SPTAN1: variants seen among roughly 807,000 people sequenced by gnomAD.
The protein encoded by SPTAN1 is spectrin alpha, non-erythrocytic 1, also known as spectrin alpha chain, non-erythrocytic 1.
Under a neutral mutation model 331.3 loss-of-function variants are expected in SPTAN1, and 61 were observed. The observed-to-expected ratio is 0.18, with a 90% CI of 0.15 to 0.23. SPTAN1 has a LOEUF of 0.23. SPTAN1 is among the 10% of genes least tolerant of loss of function. The pLI, the probability that SPTAN1 is intolerant of heterozygous loss-of-function variation, is 1.00. For synonymous variants in SPTAN1, 1,153 were observed against 1,173.9 expected (o/e 0.98, Z 0.36); for missense variants, 2,043 against 3,147.9 (o/e 0.65, Z 8.40).
chr9:128,562,928 G>A (rs1428148361), intron 1 of SPTAN1, among the ~76,000 whole-genome samples: 1 of 148,308 alleles, frequency 6.7e-6, no homozygotes, highest in Non-Finnish European at 1.5e-5. Context: ...TCACGCCACT[G>A]CACTCCAGCC....
In SPTAN1 at chr9:128,621,274, G is replaced by T; in HGVS notation, c.5832+18G>T. ...TTAAGAAGGTGAGTCCAGCCCATTG[G>T]TAAGACCTCCATCGCCCACTGGGAC... On this transcript the variant is annotated intron_variant, in intron 45 of 56. Transcript: ENST00000372739. 6.2e-7 allele frequency: 1 copy of T among 1,608,014 alleles called. No individual in the cohort carries two copies. Among genetic ancestry groups the T allele is most frequent in the Non-Finnish European group, 8.5e-7 (1 of 1,176,350 alleles).
chr9:128,630,367 G>A lies in SPTAN1; in HGVS notation c.6754G>A (p.Ala2252Thr). ...ESGTLESQLE[A>T]TKRKHQEIRA... ...GGGGACCCTCGAATCCCAGCTTGAA[G>A]CTACCAAAGTAAGTGCCCGTGGGGC... is the stretch of plus-strand genomic sequence containing the variant. Residue 2252 changes from alanine (A) to threonine (T), a missense_variant, in exon 52 of 57, where the codon GCT becomes ACT. Around this residue, in one of 12 missense-constraint regions of SPTAN1, gnomAD observed 256 missense variants for 376.4 expected, o/e 0.68. Transcript: ENST00000372739. 6.2e-7 allele frequency: 1 copy of A among 1,612,328 alleles called. No homozygotes were observed. The highest frequency in any genetic ancestry group is 8.5e-7 in the Non-Finnish European group (1 of 1,179,996).
intron 15 of SPTAN1, 86 bp downstream of exon 15, chr9:128,583,367 C>A: frequency 7.4e-7 from 1 of 1,356,386 alleles, no homozygotes; most frequent in Non-Finnish European, 1.0e-6. Flanking sequence ...ACATATACCC[C>A]CCAAGAAAGG....
intron 1 of SPTAN1, chr9:128,553,047 C>G (rs1007723533): frequency 1.3e-5 from 2 of 152,392 alleles, no homozygotes; most frequent in African/African-American, 4.8e-5. Context: ...TGGGGGCTCC[C>G]TCGTCGGGAT....
intron 41 of SPTAN1, 32 bp downstream of exon 41, chr9:128,615,872 T>TA (rs1220260198): frequency 6.2e-7 from 1 of 1,610,492 alleles, no homozygotes; most frequent in Non-Finnish European, 8.5e-7. Flanking sequence ...GAAGGCCCCT[T>TA]ACGCCTGTAA....
In SPTAN1 at chr9:128,594,376, A is replaced by G. The variant is rs1554752325; in HGVS notation, c.3414+3A>G. Reference sequence around the variant, plus strand: ...AGAAGTTTGATGACTTCCAGAAGGTATGGGCAGTCTTCAGGCTCAGCTGAA... The same window carrying G: ...AGAAGTTTGATGACTTCCAGAAGGTGTGGGCAGTCTTCAGGCTCAGCTGAA... On this transcript the variant is annotated splice_donor_region_variant and intron_variant, in intron 24 of 56. Coordinates refer to ENST00000372739, the MANE Select transcript of SPTAN1 (RefSeq NM_001130438.3). The G allele has an allele frequency of 6.3e-7, 1 of 1,587,448 alleles. No homozygotes were observed. Among genetic ancestry groups the G allele is most frequent in the Non-Finnish European group, 8.6e-7 (1 of 1,163,342 alleles).
rs757474026 is a variant in SPTAN1 at position 128,626,356 on chromosome 9, G to A, written c.6280-35G>A. The A allele has an allele frequency of 1.3e-5, 21 of 1,610,766 alleles. No individual in the cohort carries two copies. The African/African-American group carries it at 2.7e-4, about 20-fold the overall frequency. ...GCACTGCGTCGGCACGTCCAGCCCT[G>A]GCGACTCCGCCAACTCAGTCTCTTC... On this transcript the variant is annotated intron_variant, in intron 48 of 56. Coordinates refer to ENST00000372739, the MANE Select transcript of SPTAN1 (RefSeq NM_001130438.3).
rs368348802 is a variant in SPTAN1 at position 128,581,927 on chromosome 9, C to A, written c.1572+35C>A. On this transcript the variant is annotated intron_variant, in intron 12 of 56. Transcript: ENST00000372739. ...CTTCTTGTCAGTGCTTTCAAATGAC[C>A]CTTATAGTAAGCCAGAGTCTTTTTC... 1.3e-4 allele frequency: 194 copies of A among 1,449,298 alleles called. No individual in the cohort carries two copies. The African/African-American group carries it at 2.5e-3, about 19-fold the overall frequency. The allele number at this position is 1,449,298 out of a possible 1,614,324, so 89.8% of individuals were successfully genotyped here. A position where few individuals can be genotyped will look rare whatever the true frequency, so the allele number is the denominator to read the frequency against.
In SPTAN1 at chr9:128,581,063, A is replaced by G. The variant is rs1851880743; in HGVS notation, c.1461+4A>G. 1 of 1,613,974 alleles carries G rather than the reference A, an allele frequency of 6.2e-7. No homozygotes were observed. On this transcript the variant is annotated splice_donor_region_variant and intron_variant, in intron 11 of 56. Transcript: ENST00000372739. ...CAACTGGATGAGCAAGCAGGAGGTA[A>G]TCTGTGAGCAAAGCCTTGCCAGTGG...
intron 48 of SPTAN1, 200 bp from the exon 49 acceptor site, chr9:128,626,191 C>A: frequency 1.1e-6 from 1 of 903,310 alleles, no homozygotes; most frequent in Non-Finnish European, 1.7e-6. Flanking sequence ...AGACTAGAGA[C>A]AAGGGCAAAG....
intron 52 of SPTAN1, 32 bp downstream of exon 52, chr9:128,630,407 G>T: frequency 6.2e-7 from 1 of 1,611,076 alleles, no homozygotes; most frequent in South Asian, 1.1e-5. Context: ...GCCCAGCAGA[G>T]ACCCTTCACC....
rs1227435878 is a variant in SPTAN1, at chr9:128,555,349, A to ACT, written c.-4+2655_-4+2656dup. On this transcript the variant is annotated intron_variant, in intron 1 of 56. Coordinates refer to ENST00000372739, the MANE Select transcript of SPTAN1 (RefSeq NM_001130438.3). ...CTTGCTCTTCCCCCTCCCTCTTTAG[A>ACT]CTCCACATTCCTCCATCATGTTGTC... The ACT allele has an allele frequency of 3.1e-6, 4 of 1,288,376 alleles. No homozygotes were observed. The Admixed American group carries it at 6.9e-5, about 22-fold the overall frequency. 79.8% of individuals were successfully genotyped at this position (1,288,376 alleles called of 1,614,324 possible). A position where few individuals can be genotyped will look rare whatever the true frequency, so the allele number is the denominator to read the frequency against.
In SPTAN1 at chr9:128,627,346, C is replaced by A. The variant is rs1278422145; in HGVS notation, c.6577-40C>A. On this transcript the variant is annotated intron_variant, in intron 49 of 56. Transcript: ENST00000372739. The surrounding 1 kb of genome is among the most constrained non-coding windows in gnomAD (Gnocchi z 4.9). ...TGTGAAGGAGGGGCTGGTGTCACTG[C>A]CACAGCAGCGCACAGCATCTGCCCC... 4 of 1,528,928 alleles carry A rather than the reference C, an allele frequency of 2.6e-6. No homozygotes were observed. Among genetic ancestry groups the A allele is most frequent in the Admixed American group, 2.0e-5 (1 of 50,940 alleles). 94.7% of individuals were successfully genotyped at this position (1,528,928 alleles called of 1,614,324 possible).
At position 128,618,854 on chromosome 9, in the gene SPTAN1, C is replaced by T. The variant is rs762938535; in HGVS notation, c.5601-17C>T. The T allele has an allele frequency of 2.5e-5, 40 of 1,614,064 alleles. No individual in the cohort carries two copies. The highest frequency in any genetic ancestry group is 2.9e-5 in the Non-Finnish European group (34 of 1,180,044). On this transcript the variant is annotated splice_polypyrimidine_tract_variant and intron_variant, in intron 43 of 56. Transcript: ENST00000372739. Reference sequence around the variant, plus strand: ...GAGGAGATTATGGCTGATTTTCTTCCTGTCTCCTGTAATTAGGGGTCAGCG... The same window carrying T: ...GAGGAGATTATGGCTGATTTTCTTCTTGTCTCCTGTAATTAGGGGTCAGCG...
intron 48 of SPTAN1, 112 bp from the exon 49 acceptor site, chr9:128,626,279 G>A (rs1858721222): frequency 7.5e-7 from 1 of 1,331,120 alleles, no homozygotes; most frequent in Non-Finnish European, 1.1e-6. Context: ...TAAGCTCCCA[G>A]CAGGCTGTGT....
rs911162522 is a variant in SPTAN1, at chr9:128,608,082, T to C, written c.4344+33T>C. 4 of 1,614,060 alleles carry C rather than the reference T, an allele frequency of 2.5e-6. No homozygotes were observed. In the African/African-American group the frequency reaches 5.3e-5, roughly 22 times the overall value. ...TGCTCCTGGTTTCTGACCAAGTGTT[T>C]CCTTGCTGAAGGGCCTCATTTTCTC... On this transcript the variant is annotated intron_variant, in intron 33 of 56. Transcript: ENST00000372739.
chr9:128,553,318 A>T (rs1848329110), intron 1 of SPTAN1: 1 of 152,222 alleles, frequency 6.6e-6, no homozygotes, highest in African/African-American at 2.4e-5. Context: ...CCTTGTAATA[A>T]ACATTTTTCT....
intron 3 of SPTAN1, among the ~76,000 whole-genome samples, chr9:128,570,496 C>T (rs545948970): frequency 2.0e-5 from 3 of 150,836 alleles, no homozygotes; most frequent in South Asian, 2.1e-4. Flanking sequence ...CACCACCATG[C>T]CCGGCTAATT....
chr9:128,582,903 C>T lies in SPTAN1; in HGVS notation c.1806+54C>T, dbSNP rs535892685. 9.6e-5 allele frequency: 155 copies of T among 1,606,464 alleles called. No individual in the cohort carries two copies. The Middle Eastern group carries it at 1.8e-3, about 18-fold the overall frequency. ...CACTCGATTAGTAAGCTAAACACAG[C>T]TCTCACAAATAAATTGTAGCTAAAG... is the stretch of plus-strand genomic sequence containing the variant. On this transcript the variant is annotated intron_variant, in intron 14 of 56. Coordinates refer to ENST00000372739, the MANE Select transcript of SPTAN1 (RefSeq NM_001130438.3).
Sources: allele counts gnomAD v4.1 joint callset (sites outside exome capture counted in the v4.1 genomes callset), GRCh38; gene constraint gnomAD v4.1.1; regional missense constraint gnomAD v4.1.1; non-coding constraint Gnocchi (gnomAD v3.1); transcripts MANE v1.5; gene names NCBI Gene and HGNC (gene_info 2026-07-23, HGNC 2026-07-21).